Variants in ELAPOR2 observed in about 807,000 individuals in gnomAD.
ELAPOR2 encodes the protein endosome/lysosome-associated apoptosis and autophagy regulator family member 2.
In ELAPOR2, 89 loss-of-function variants were observed where a neutral mutation model predicts 120.7. The observed-to-expected ratio is 0.74, with a 90% CI of 0.62 to 0.88. ELAPOR2 has a LOEUF of 0.88. Among genes scored for constraint, ELAPOR2 ranks in the 40% least tolerant of loss-of-function variants. The pLI, the probability that ELAPOR2 is intolerant of heterozygous loss-of-function variation, is 0.00. For missense variants in ELAPOR2, 1,134 were observed against 1,251.6 expected (o/e 0.91, Z 1.42); for synonymous variants, 444 against 444.9 (o/e 1.00, Z 0.03).
intron 1 of ELAPOR2, among the ~76,000 whole-genome samples, chr7:86,991,045 G>A (rs1792928117): frequency 6.6e-6 from 1 of 152,136 alleles, no homozygotes; most frequent in Non-Finnish European, 1.5e-5. Flanking sequence ...CACCAGCACT[G>A]TGTTTATTAA....
chr7:87,026,435 T>C (rs1794246809), intron 1 of ELAPOR2, among the ~76,000 whole-genome samples: 1 of 151,362 alleles, frequency 6.6e-6, no homozygotes, highest in Admixed American at 6.6e-5. Context: ...TTATTTAAAG[T>C]ATACAAAGTT....
At chr7:86,998,419 C>T (rs1340596153) in intron 1 of ELAPOR2, among the ~76,000 whole-genome samples, 2 of 152,150 alleles carry the variant, frequency 1.3e-5, no homozygotes, top group Non-Finnish European at 2.9e-5. Context: ...CGATGTCAAG[C>T]GATTTAGCTT....
At chr7:86,937,698 T>C (rs1790625324) in intron 8 of ELAPOR2, among the ~76,000 whole-genome samples, 1 of 152,116 alleles carries the variant, frequency 6.6e-6, no homozygotes, top group South Asian at 2.1e-4. Flanking sequence ...GAACTTTCCA[T>C]CCTGTGAGTC....
At chr7:86,885,668 G>C (rs543024342) in intron 21 of ELAPOR2, among the ~76,000 whole-genome samples, 1 of 152,242 alleles carries the variant, frequency 6.6e-6, no homozygotes, top group Admixed American at 6.5e-5. Context: ...GTTGGTTGCA[G>C]GCACTCAAGT....
intron 10 of ELAPOR2, among the ~76,000 whole-genome samples, chr7:86,924,381 A>G (rs1430236541): frequency 1.4e-5 from 2 of 147,342 alleles, no homozygotes; most frequent in African/African-American, 5.3e-5. Flanking sequence ...GAATACACAC[A>G]CACACACACA....
chr7:87,035,960 C>T (rs1364528345), intron 1 of ELAPOR2, among the ~76,000 whole-genome samples: 2 of 152,104 alleles, frequency 1.3e-5, no homozygotes, highest in East Asian at 1.9e-4. Context: ...TATGCCGTCT[C>T]AAAACCCAAG....
intron 1 of ELAPOR2, among the ~76,000 whole-genome samples, chr7:86,991,149 A>G (rs1294017640): frequency 6.6e-6 from 1 of 152,228 alleles, no homozygotes; most frequent in Non-Finnish European, 1.5e-5. Context: ...TACAGGTAAG[A>G]TACAGATTAA....
At chr7:86,978,746 C>T (rs1583938203) in intron 1 of ELAPOR2, among the ~76,000 whole-genome samples, 1 of 152,144 alleles carries the variant, frequency 6.6e-6, no homozygotes, top group Non-Finnish European at 1.5e-5. Flanking sequence ...ATTGTAATGC[C>T]TTACACCTCT....
chr7:86,998,608 T>C (rs989208777), intron 1 of ELAPOR2, among the ~76,000 whole-genome samples: 2 of 152,116 alleles, frequency 1.3e-5, no homozygotes, highest in African/African-American at 4.8e-5. Context: ...ACCCACAAAA[T>C]ACCAATAGCT....
chr7:86,915,998 A>G (rs1789552934), intron 12 of ELAPOR2, among the ~76,000 whole-genome samples: 1 of 152,060 alleles, frequency 6.6e-6, no homozygotes, highest in South Asian at 2.1e-4. Context: ...ATCACCTTAC[A>G]TTTGTGAAGC....
At chr7:86,968,035 A>C (rs759139391) in intron 1 of ELAPOR2, among the ~76,000 whole-genome samples, 5 of 152,226 alleles carry the variant, frequency 3.3e-5, no homozygotes, top group Non-Finnish European at 5.9e-5. Context: ...AAAACAACAA[A>C]AAAAAATCTG....
chr7:86,925,494 T>G (rs1413478350), intron 10 of ELAPOR2, 34 bp downstream of exon 10: 1 of 1,606,468 alleles, frequency 6.2e-7, no homozygotes, highest in Non-Finnish European at 8.5e-7. Context: ...TCTCTATTGC[T>G]GAAATACATC....
chr7:86,930,484 T>TAA (rs1790279756), intron 8 of ELAPOR2, among the ~76,000 whole-genome samples: 1 of 151,974 alleles, frequency 6.6e-6, no homozygotes, highest in Non-Finnish European at 1.5e-5. Flanking sequence ...CTCTATATCT[T>TAA]TGTCCTGCTA....
chr7:86,904,647 G>C (rs1164630601), intron 18 of ELAPOR2, among the ~76,000 whole-genome samples: 5 of 152,178 alleles, frequency 3.3e-5, no homozygotes, highest in African/African-American at 1.2e-4. Context: ...CTGCAGATGA[G>C]AAGGCAGCCC....
At position 86,900,642 on chromosome 7, in the gene ELAPOR2, C is replaced by T. The variant is rs186281656; in HGVS notation, c.2559-3010G>A. On this transcript the variant is annotated intron_variant, in intron 18 of 21. Coordinates refer to ENST00000450689, the MANE Select transcript of ELAPOR2 (RefSeq NM_001142749.3). The stretch of plus-strand genomic sequence containing the variant: ...TTCATTTGTTAAAAGATACTCTTAG[C>T]TTAACTCAAAATAGTTTACCTTAGA... Among the ~76,000 whole-genome samples the T allele has an allele frequency of 8.1e-4, 124 of 152,286 alleles. 1 individual carries two copies. The highest frequency in any genetic ancestry group is 6.8e-3 in the South Asian group (33 of 4,830).
intron 15 of ELAPOR2, among the ~76,000 whole-genome samples, chr7:86,910,391 G>A (rs777806846): frequency 4.6e-5 from 7 of 152,064 alleles, no homozygotes; most frequent in Non-Finnish European, 1.0e-4. Flanking sequence ...CAGTGTCAAA[G>A]AAAAAGTGTT....
intron 19 of ELAPOR2, among the ~76,000 whole-genome samples, 181 bp from the exon 20 acceptor site, chr7:86,893,281 C>T (rs530524925): frequency 6.6e-6 from 1 of 151,702 alleles, no homozygotes; most frequent in Non-Finnish European, 1.5e-5. Context: ...GCTCCAGAAA[C>T]ACAGGAAAAA....
chr7:87,021,090 G>A (rs1445879825), intron 1 of ELAPOR2, among the ~76,000 whole-genome samples: 1 of 152,064 alleles, frequency 6.6e-6, no homozygotes, highest in Non-Finnish European at 1.5e-5. Flanking sequence ...GAACAACACA[G>A]AATAAAGTGA....
chr7:86,997,946 A>G (rs1347628069), intron 1 of ELAPOR2, among the ~76,000 whole-genome samples: 1 of 152,210 alleles, frequency 6.6e-6, no homozygotes, highest in African/African-American at 2.4e-5. Flanking sequence ...TGGGCATCCC[A>G]AGAAGCAAAT....
Sources: allele counts gnomAD v4.1 joint callset (sites outside exome capture counted in the v4.1 genomes callset), GRCh38; gene constraint gnomAD v4.1.1; transcripts MANE v1.5; gene names NCBI Gene and HGNC (gene_info 2026-07-23, HGNC 2026-07-21).